PPA1: variants seen among roughly 807,000 people sequenced by gnomAD.
PPA1 encodes inorganic pyrophosphatase 1.
A neutral mutation model predicts 41.8 loss-of-function variants in PPA1; 23 were observed. The observed-to-expected ratio is 0.55, with a 90% CI of 0.40 to 0.78. The LOEUF (loss-of-function observed/expected upper bound fraction) is 0.78, where lower values mean the gene tolerates loss of function less well. PPA1 is among the 30% of genes least tolerant of loss of function. PPA1 has a pLI of 0.00. For synonymous variants in PPA1, 101 were observed against 116.8 expected (o/e 0.86, Z 0.87); for missense variants, 320 against 361.6 (o/e 0.89, Z 0.93).
rs893196194 is a variant in PPA1 at position 70,222,871 on chromosome 10, C to T, written c.124-4054G>A. Among the ~76,000 whole-genome samples the T allele has an allele frequency of 1.2e-4, 16 of 136,148 alleles. No homozygotes were observed. The East Asian group carries it at 4.0e-3, about 34-fold the overall frequency. The allele number at this position is 136,148 out of a possible 152,430, so 89.3% of individuals were successfully genotyped here. ...ACAACAGGCCCCGGTGTGTGATGTT[C>T]CCCTTCCTGTGTCCACGTGTTCTCA... On this transcript the variant is annotated intron_variant, in intron 2 of 10. Transcript: ENST00000373232.
chr10:70,222,711 A>G (rs1021020551), intron 2 of PPA1, among the ~76,000 whole-genome samples: 5 of 152,116 alleles, frequency 3.3e-5, no homozygotes, highest in Non-Finnish European at 7.3e-5. Context: ...GTTTTAGGGT[A>G]TATGTGCACA....
chr10:70,222,707 G>A (rs1302500406), intron 2 of PPA1, among the ~76,000 whole-genome samples: 1 of 152,056 alleles, frequency 6.6e-6, no homozygotes, highest in Non-Finnish European at 1.5e-5. Flanking sequence ...TTAAGTTTTA[G>A]GGTATATGTG....
At position 70,209,381 on chromosome 10, in the gene PPA1, C is replaced by A. The variant is rs574484897; in HGVS notation, c.640-91G>T. Reference sequence around the variant, plus strand: ...CCCAAAGCCTGATACTTTGTCTCTTCTGAATCATTTCCTTATTCTAAAAAT... The same window carrying A: ...CCCAAAGCCTGATACTTTGTCTCTTATGAATCATTTCCTTATTCTAAAAAT... On this transcript the variant is annotated intron_variant, in intron 7 of 10. Coordinates refer to ENST00000373232, the MANE Select transcript of PPA1 (RefSeq NM_021129.4). 23 of 1,309,088 alleles carry A rather than the reference C, an allele frequency of 1.8e-5. 1 individual carries two copies. The South Asian group carries it at 3.3e-4, about 19-fold the overall frequency. The allele number at this position is 1,309,088 out of a possible 1,614,324, so 81.1% of individuals were successfully genotyped here. A position where few individuals can be genotyped will look rare whatever the true frequency, so the allele number is the denominator to read the frequency against.
rs1840130330 is a variant in PPA1, at chr10:70,220,572, AAT to A, written c.124-1757_124-1756del. On this transcript the variant is annotated intron_variant, in intron 2 of 10. Coordinates refer to ENST00000373232, the MANE Select transcript of PPA1 (RefSeq NM_021129.4). ...ATAATATATATATAATTATATATAT[AAT>A]ATATATAATTATATATTATATATAA... is the stretch of plus-strand genomic sequence containing the variant. 2.5e-4 allele frequency among the ~76,000 whole-genome samples: 15 copies of A among 60,750 alleles called. 2 individuals are homozygous for A. Among genetic ancestry groups the A allele is most frequent in the Non-Finnish European group, 3.4e-4 (11 of 32,354 alleles). 39.9% of individuals were successfully genotyped at this position (60,750 alleles called of 152,430 possible).
At chr10:70,231,599 T>C (rs567204763) in intron 1 of PPA1, among the ~76,000 whole-genome samples, 4 of 152,242 alleles carry the variant, frequency 2.6e-5, no homozygotes, top group Non-Finnish European at 5.9e-5. Context: ...AAAGTCCCTT[T>C]AGGGCCAATT....
In PPA1 at chr10:70,217,873, C is replaced by A; in HGVS notation, c.236G>T (p.Arg79Leu). ...ATACGGGAACAAATTCGCAACATAG[C>A]GAAGTTTTCCTTTTTTCACATCTTG... ...IKQDVKKGKL[R>L]YVANLFPYKG... Residue 79 changes from arginine (R) to leucine (L), a missense_variant, in exon 4 of 11, where the codon CGC becomes CTC. Transcript: ENST00000373232. 1 of 1,605,154 alleles carries A rather than the reference C, an allele frequency of 6.2e-7. No individual in the cohort carries two copies. Among genetic ancestry groups the A allele is most frequent in the South Asian group, 1.1e-5 (1 of 89,972 alleles).
At chr10:70,211,857 AG>A (rs1840024380) in intron 6 of PPA1, among the ~76,000 whole-genome samples, 1 of 152,262 alleles carries the variant, frequency 6.6e-6, no homozygotes, top group Non-Finnish European at 1.5e-5. Context: ...AGTAGTGAAC[AG>A]ATGGTGTGAA....
chr10:70,227,387 C>T (rs575667153), intron 2 of PPA1, among the ~76,000 whole-genome samples: 3 of 152,314 alleles, frequency 2.0e-5, no homozygotes, highest in East Asian at 3.9e-4. Context: ...CAGTGGCTCA[C>T]GCCTGCAACC....
chr10:70,204,199 T>G (rs1332106182), intron 10 of PPA1: 1 of 152,106 alleles, frequency 6.6e-6, no homozygotes, highest in East Asian at 1.9e-4. Context: ...TGAGACCAGC[T>G]TGGGCAACAT....
chr10:70,203,241 C>T, intron 10 of PPA1, 55 bp from the exon 11 acceptor site: 2 of 1,428,696 alleles, frequency 1.4e-6, no homozygotes. Context: ...ATCAAAAATA[C>T]ACCTAACATA....
intron 2 of PPA1, among the ~76,000 whole-genome samples, chr10:70,220,610 TA>T (rs1564583990): frequency 2.3e-4 from 2 of 8,760 alleles, no homozygotes; most frequent in African/African-American, 3.6e-4. Flanking sequence ...TTTATATATA[TA>T]TTATATATAA....
chr10:70,228,492 T>G (rs555102692), intron 2 of PPA1, among the ~76,000 whole-genome samples: 3 of 152,144 alleles, frequency 2.0e-5, no homozygotes, highest in Non-Finnish European at 4.4e-5. Context: ...CTCAAAATGG[T>G]CTGAGATGCT....
At chr10:70,222,407 G>C (rs1420332353) in intron 2 of PPA1, among the ~76,000 whole-genome samples, 1 of 150,882 alleles carries the variant, frequency 6.6e-6, no homozygotes, top group Non-Finnish European at 1.5e-5. Flanking sequence ...AAAAGCCAGA[G>C]TCAATTCATT....
At chr10:70,210,273 C>T (rs1589891365) in intron 6 of PPA1, 5 of 738,398 alleles carry the variant, frequency 6.8e-6, no homozygotes, top group East Asian at 5.4e-5. Context: ...AATGGGGTCT[C>T]GTCATGTTGC....
chr10:70,207,590 T>C (rs1390639824), intron 8 of PPA1, among the ~76,000 whole-genome samples: 2 of 152,112 alleles, frequency 1.3e-5, no homozygotes, highest in Non-Finnish European at 2.9e-5. Flanking sequence ...GGATCACTTC[T>C]TTGAGGTTAC....
chr10:70,228,759 A>G (rs1840258461), intron 2 of PPA1, among the ~76,000 whole-genome samples: 2 of 152,226 alleles, frequency 1.3e-5, no homozygotes, highest in Admixed American at 1.3e-4. Context: ...AGTCTTACCC[A>G]GGAAGGCTCC....
Position 70,221,076 on chromosome 10 carries a change from A to ATTT in PPA1, c.124-2262_124-2260dup, listed in dbSNP as rs11310336. ...ATATAATTTATATATATATATATATATTTTTTTTTTTTTTTTTTTGTAGAG... is the reference window on the plus strand; with the variant it reads ...ATATAATTTATATATATATATATATATTTTTTTTTTTTTTTTTTTTTTGTAGAG... On this transcript the variant is annotated intron_variant, in intron 2 of 10. Transcript: ENST00000373232. Among the ~76,000 whole-genome samples the ATTT allele has an allele frequency of 1.7e-4, 7 of 40,026 alleles. 1 individual carries two copies. In the South Asian group the frequency reaches 2.5e-3, roughly 14 times the overall value. 26.3% of individuals were successfully genotyped at this position (40,026 alleles called of 152,430 possible). A position where few individuals can be genotyped will look rare whatever the true frequency, so the allele number is the denominator to read the frequency against.
intron 5 of PPA1, 76 bp from the exon 6 acceptor site, chr10:70,213,665 A>C: frequency 1.3e-6 from 2 of 1,489,206 alleles, no homozygotes; most frequent in Non-Finnish European, 1.8e-6. Context: ...GGCTAACAGG[A>C]AATAAGAAAG....
intron 2 of PPA1, among the ~76,000 whole-genome samples, chr10:70,224,133 A>C (rs1840203746): frequency 1.3e-5 from 2 of 150,524 alleles, no homozygotes; most frequent in Admixed American, 1.3e-4. Flanking sequence ...ATTTCAGGCC[A>C]GGTATGGTGG....
Sources: allele counts gnomAD v4.1 joint callset (sites outside exome capture counted in the v4.1 genomes callset), GRCh38; gene constraint gnomAD v4.1.1; transcripts MANE v1.5; gene names NCBI Gene and HGNC (gene_info 2026-07-23, HGNC 2026-07-21).